The following COPS9 variants were observed in gnomAD, a reference collection of about 807,000 sequenced individuals.
COPS9 encodes the protein COP9 signalosome complex subunit 9.
COPS9 carries 8 observed loss-of-function variants against 7.2 expected under a neutral mutation model. The ratio of observed to expected loss-of-function variants is 1.11; its 90% CI spans 0.65 to 2.00. The LOEUF (loss-of-function observed/expected upper bound fraction) is 2.00, where lower values mean the gene tolerates loss of function less well. Ranked by LOEUF, COPS9 falls within the 30% of genes most tolerant of loss-of-function variation. The pLI, the probability that COPS9 is intolerant of heterozygous loss-of-function variation, is 0.00. For missense variants in COPS9, 74 were observed against 77.7 expected, an observed-to-expected ratio of 0.95 and a Z score of 0.18; for synonymous variants, 39 against 28.7, an observed-to-expected ratio of 1.36 and a Z score of -1.14.
At chr2:240,136,118 C>A (rs1196530249) in intron 1 of COPS9, 104 bp downstream of exon 1, 9 of 1,326,158 alleles carry the variant, frequency 6.8e-6, no homozygotes, top group Non-Finnish European at 7.8e-6. Flanking sequence ...CCATCGCCCA[C>A]CCGCCCGGCC....
At chr2:240,126,695 C>T (rs1330672774), downstream of COPS9, 7 of 1,614,052 alleles carry the variant, frequency 4.3e-6, no homozygotes, top group East Asian at 2.2e-5. Context: ...CTTCGCTGAC[C>T]TCTCGCCTGC....
Position 240,130,882 on chromosome 2 carries a change from T to C in COPS9, c.*169A>G. 1.4e-6 allele frequency: 2 copies of C among 1,437,164 alleles called. No individual in the cohort carries two copies. Among genetic ancestry groups the C allele is most frequent in the South Asian group, 1.5e-5 (1 of 64,728 alleles). The allele number at this position is 1,437,164 out of a possible 1,614,324, so 89.0% of individuals were successfully genotyped here. A position where few individuals can be genotyped will look rare whatever the true frequency, so the allele number is the denominator to read the frequency against. ...GACAAAACCTGATCCCGTTCAGAGA[T>C]GAACAGAATCATCTAGGTCGTTAAG... On this transcript the variant is annotated 3_prime_UTR_variant, in exon 3 of 3. Transcript: ENST00000607357.
downstream of COPS9, among the ~76,000 whole-genome samples, chr2:240,129,175 G>T (rs1272352489): frequency 6.6e-6 from 1 of 152,178 alleles, no homozygotes; most frequent in Non-Finnish European, 1.5e-5. Flanking sequence ...AACATTTCTG[G>T]TTTTGTCTAG....
At chr2:240,131,343 CT>C (rs2071920751) in intron 2 of COPS9, among the ~76,000 whole-genome samples, 1 of 152,222 alleles carries the variant, frequency 6.6e-6, no homozygotes, top group Non-Finnish European at 1.5e-5. Context: ...GCATGCAGGG[CT>C]GTTCTGAGTC....
intron 1 of COPS9, among the ~76,000 whole-genome samples, chr2:240,134,812 C>T (rs568074760): frequency 5.9e-5 from 9 of 152,266 alleles, no homozygotes; most frequent in African/African-American, 2.2e-4. Flanking sequence ...CACGCGCATT[C>T]TACCACTTGA....
chr2:240,135,129 CCACT>C (rs2071962520), intron 1 of COPS9, among the ~76,000 whole-genome samples: 1 of 152,032 alleles, frequency 6.6e-6, no homozygotes, highest in African/African-American at 2.4e-5. Context: ...GAGTCCCTAC[CCACT>C]GTCTCCCCTC....
Position 240,132,215 on chromosome 2 carries a change from C to T in COPS9, c.137-1127G>A, listed in dbSNP as rs1448600924. Among the ~76,000 whole-genome samples the T allele has an allele frequency of 6.6e-6, 1 of 152,164 alleles. No individual in the cohort carries two copies. On this transcript the variant is annotated intron_variant, in intron 2 of 2. Coordinates refer to ENST00000607357, the MANE Select transcript of COPS9 (RefSeq NM_001163424.2). The surrounding 1 kb of genome is among the most constrained non-coding windows in gnomAD (Gnocchi z 4.1). ...CCCCTGCCTGCTGACTTGTCTGGACCCACAATTTTGTAAGACATGGCGAGG... is the reference window on the plus strand; with the variant it reads ...CCCCTGCCTGCTGACTTGTCTGGACTCACAATTTTGTAAGACATGGCGAGG...
downstream of COPS9, among the ~76,000 whole-genome samples, chr2:240,128,777 G>A (rs1327719918): frequency 6.6e-6 from 1 of 152,206 alleles, no homozygotes; most frequent in African/African-American, 2.4e-5. Flanking sequence ...CAGCCTCACG[G>A]TGACAGCCGA....
chr2:240,135,655 G>A (rs978203284), intron 1 of COPS9, among the ~76,000 whole-genome samples: 5 of 152,152 alleles, frequency 3.3e-5, no homozygotes, highest in Admixed American at 1.3e-4. Context: ...TAATTAAAAA[G>A]AAGAACGAGG....
At chr2:240,126,780 C>T (rs776130241), downstream of COPS9, 17 of 1,614,228 alleles carry the variant, frequency 1.1e-5, no homozygotes, top group Middle Eastern at 3.3e-4. Flanking sequence ...GTTTCTTAAG[C>T]GTCCTGTGCC....
downstream of COPS9, among the ~76,000 whole-genome samples, chr2:240,130,282 G>A (rs184567361): frequency 9.3e-4 from 142 of 152,296 alleles, no homozygotes; most frequent in Middle Eastern, 3.4e-3. Flanking sequence ...GGGCCTGGGC[G>A]TCTCCTGGCC....
downstream of COPS9, chr2:240,127,078 G>A: frequency 1.8e-6 from 2 of 1,109,088 alleles, no homozygotes; most frequent in South Asian, 3.2e-5. Flanking sequence ...ACTTAGGACA[G>A]AGAGGGGAAG....
chr2:240,133,820 G>C, intron 2 of COPS9, 113 bp downstream of exon 2: 1 of 1,038,158 alleles, frequency 9.6e-7, no homozygotes, highest in South Asian at 1.4e-5. Context: ...AGGAGCGCAG[G>C]GGCTCTACCA....
At chr2:240,131,465 G>A (rs1362437329) in intron 2 of COPS9, among the ~76,000 whole-genome samples, 5 of 152,240 alleles carry the variant, frequency 3.3e-5, no homozygotes, top group African/African-American at 1.2e-4. Flanking sequence ...CCGGGGCCGG[G>A]GAGAGATGAA....
downstream of COPS9, among the ~76,000 whole-genome samples, chr2:240,127,158 G>C (rs35905059): frequency 0.23 from 34,937 of 151,944 alleles, 4,248 homozygotes; most frequent in East Asian, 0.45. Flanking sequence ...CGAATACCCA[G>C]GCAGCGCTTG....
Position 240,130,896 on chromosome 2 carries a change from T to A in COPS9, c.*155A>T. The A allele has an allele frequency of 6.9e-7, 1 of 1,450,238 alleles. No homozygotes were observed. Among genetic ancestry groups the A allele is most frequent in the Non-Finnish European group, 9.1e-7 (1 of 1,102,150 alleles). 89.8% of individuals were successfully genotyped at this position (1,450,238 alleles called of 1,614,324 possible). A position where few individuals can be genotyped will look rare whatever the true frequency, so the allele number is the denominator to read the frequency against. On this transcript the variant is annotated 3_prime_UTR_variant, in exon 3 of 3. Coordinates refer to ENST00000607357, the MANE Select transcript of COPS9 (RefSeq NM_001163424.2). Reference sequence around the variant, plus strand: ...CCGTTCAGAGATGAACAGAATCATCTAGGTCGTTAAGAACAGTCTTATCTT... The same window carrying A: ...CCGTTCAGAGATGAACAGAATCATCAAGGTCGTTAAGAACAGTCTTATCTT...
chr2:240,127,029 T>C (rs2071873314), downstream of COPS9: 2 of 1,483,730 alleles, frequency 1.3e-6, no homozygotes, highest in Non-Finnish European at 1.8e-6. Flanking sequence ...CAAGTCATTC[T>C]GTCCAGTGAG....
chr2:240,130,014 G>C (rs1186988455), downstream of COPS9: 3 of 1,613,468 alleles, frequency 1.9e-6, no homozygotes. Flanking sequence ...GCTTGTCCTG[G>C]GCAGTCCTGA....
At chr2:240,127,637 G>A (rs940226552), downstream of COPS9, among the ~76,000 whole-genome samples, 3 of 152,128 alleles carry the variant, frequency 2.0e-5, no homozygotes, top group Admixed American at 2.0e-4. Flanking sequence ...ATCAGCGTCC[G>A]TACAGGAGAG....
Sources: gnomAD v4.1 joint callset for allele counts (sites outside exome capture counted in the v4.1 genomes callset) on GRCh38, gnomAD v4.1.1 for gene constraint, Gnocchi (gnomAD v3.1) non-coding constraint, MANE v1.5 for transcripts, NCBI Gene and HGNC (gene_info 2026-07-23, HGNC 2026-07-21) for gene names.